GORAB: variants seen among roughly 807,000 people sequenced by gnomAD.
GORAB encodes RAB6-interacting golgin.
A neutral mutation model predicts 29.9 loss-of-function variants in GORAB; 17 were observed. The observed-to-expected ratio is 0.57, with a 90% CI of 0.39 to 0.85. The LOEUF is 0.85. Ranked by LOEUF, GORAB falls within the 40% of genes least tolerant of loss-of-function variation. The probability of loss-of-function intolerance (pLI) is 0.00; values close to 1 mark genes in which losing one functional copy is unlikely to be tolerated. For missense variants in GORAB, 442 were observed against 437.8 expected, an observed-to-expected ratio of 1.01 and a Z score of -0.09; for synonymous variants, 183 against 157.2, an observed-to-expected ratio of 1.16 and a Z score of -1.23.
At chr1:170,538,722 A>G (rs1436775966) in intron 1 of GORAB, among the ~76,000 whole-genome samples, 1 of 152,236 alleles carries the variant, frequency 6.6e-6, no homozygotes, top group Non-Finnish European at 1.5e-5. Context: ...ATAGCATCTG[A>G]ATATGTATCA....
At chr1:170,544,622 ATC>A in intron 3 of GORAB, 81 bp from the exon 4 acceptor site, 1 of 1,083,190 alleles carries the variant, frequency 9.2e-7, no homozygotes, top group Non-Finnish European at 1.4e-6. Context: ...TATATGCAGT[ATC>A]TTGCTTTTTC....
chr1:170,536,735 A>G (rs1009532713), intron 1 of GORAB, among the ~76,000 whole-genome samples: 3 of 152,372 alleles, frequency 2.0e-5, no homozygotes, highest in East Asian at 3.9e-4. Flanking sequence ...GAAATGTTAT[A>G]CAACAAAATG....
chr1:170,534,872 G>A (rs1414042998), intron 1 of GORAB, among the ~76,000 whole-genome samples: 1 of 152,126 alleles, frequency 6.6e-6, no homozygotes, highest in Non-Finnish European at 1.5e-5. Flanking sequence ...GGGGAGGCGT[G>A]GGAATGTGAT....
intron 3 of GORAB, among the ~76,000 whole-genome samples, chr1:170,542,983 C>A (rs1274357611): frequency 1.3e-5 from 2 of 152,158 alleles, no homozygotes; most frequent in African/African-American, 4.8e-5. Flanking sequence ...ATAAGGTTTT[C>A]TACATAAGTG....
At position 170,553,415 on chromosome 1, in the gene GORAB, T is replaced by C. The variant is rs771109410; in HGVS notation, c.*953T>C. ...ACCAATACATTGTGCTATATGTAAATGTGTAAATAAATATTGTAATTTTCT... is the reference window on the plus strand; with the variant it reads ...ACCAATACATTGTGCTATATGTAAACGTGTAAATAAATATTGTAATTTTCT... On this transcript the variant is annotated 3_prime_UTR_variant, in exon 5 of 5. Coordinates refer to ENST00000367763, the MANE Select transcript of GORAB (RefSeq NM_152281.3). 2.2e-6 allele frequency: 1 copy of C among 447,954 alleles called. No individual in the cohort carries two copies. Among genetic ancestry groups the C allele is most frequent in the South Asian group, 1.6e-5 (1 of 61,602 alleles). 27.7% of individuals were successfully genotyped at this position (447,954 alleles called of 1,614,324 possible). A position where few individuals can be genotyped will look rare whatever the true frequency, so the allele number is the denominator to read the frequency against.
At chr1:170,544,942 C>G in intron 4 of GORAB, 97 bp downstream of exon 4, 1 of 1,533,550 alleles carries the variant, frequency 6.5e-7, no homozygotes, top group Non-Finnish European at 8.8e-7. Context: ...TCATTGAAGC[C>G]TCAAAACAAC....
intron 1 of GORAB, chr1:170,532,759 A>G (rs186713313): frequency 6.8e-5 from 13 of 192,048 alleles, no homozygotes; most frequent in Admixed American, 1.6e-4. Flanking sequence ...ACTTTTCACA[A>G]TTCATCTGGA....
At chr1:170,537,057 C>G (rs1211651108) in intron 1 of GORAB, among the ~76,000 whole-genome samples, 1 of 151,996 alleles carries the variant, frequency 6.6e-6, no homozygotes, top group Non-Finnish European at 1.5e-5. Context: ...TCCTTTCTTT[C>G]CCCTTCTTTC....
At chr1:170,538,250 T>G (rs562276241) in intron 1 of GORAB, among the ~76,000 whole-genome samples, 1 of 152,328 alleles carries the variant, frequency 6.6e-6, no homozygotes, top group South Asian at 2.1e-4. Context: ...ACTCTAGAGC[T>G]TTTAACTATA....
rs201768641 is a variant in GORAB at position 170,553,526 on chromosome 1, T to TA, written c.*1071dup. ...ATTACCTTTGAGGACTTTTTTTTTT[T>TA]AAAAAAAGAATTATTATCAGAGAAC... On this transcript the variant is annotated 3_prime_UTR_variant, in exon 5 of 5. Transcript: ENST00000367763. 6.6e-4 allele frequency: 279 copies of TA among 421,768 alleles called. 1 individual carries two copies. Among genetic ancestry groups the TA allele is most frequent in the East Asian group, 4.2e-3 (59 of 14,168 alleles). The allele number at this position is 421,768 out of a possible 1,614,324, so 26.1% of individuals were successfully genotyped here. A position where few individuals can be genotyped will look rare whatever the true frequency, so the allele number is the denominator to read the frequency against.
intron 1 of GORAB, among the ~76,000 whole-genome samples, chr1:170,537,529 A>G (rs1352340558): frequency 1.3e-5 from 2 of 152,200 alleles, no homozygotes; most frequent in East Asian, 3.9e-4. Flanking sequence ...CTACAGCGTA[A>G]TCTAGATTTT....
At chr1:170,547,439 G>A (rs970574530) in intron 4 of GORAB, among the ~76,000 whole-genome samples, 1 of 142,426 alleles carries the variant, frequency 7.0e-6, no homozygotes, top group African/African-American at 3.0e-5. Context: ...TGCTACTGCT[G>A]CTACTGCTGC....
chr1:170,533,922 A>C (rs1648879239), intron 1 of GORAB, among the ~76,000 whole-genome samples: 1 of 152,126 alleles, frequency 6.6e-6, no homozygotes, highest in Non-Finnish European at 1.5e-5. Flanking sequence ...TGGATTCCTT[A>C]TTTGTAAAAT....
chr1:170,538,111 C>A (rs557027572), intron 1 of GORAB, among the ~76,000 whole-genome samples: 3 of 152,252 alleles, frequency 2.0e-5, no homozygotes, highest in Admixed American at 2.0e-4. Context: ...AATTCTTACA[C>A]CAACTTCATG....
intron 1 of GORAB, among the ~76,000 whole-genome samples, chr1:170,538,419 A>G (rs1442422486): frequency 1.3e-5 from 2 of 152,204 alleles, no homozygotes; most frequent in African/African-American, 4.8e-5. Context: ...TATAGTATGA[A>G]TGTGGGTCAG....
chr1:170,550,192 T>C (rs1431484535), intron 4 of GORAB, among the ~76,000 whole-genome samples: 4 of 152,208 alleles, frequency 2.6e-5, no homozygotes, highest in Admixed American at 6.5e-5. Flanking sequence ...AGTGATGGGC[T>C]ACCGACTCCA....
At chr1:170,544,968 A>G in intron 4 of GORAB, 123 bp downstream of exon 4, 2 of 1,450,146 alleles carry the variant, frequency 1.4e-6, no homozygotes, top group Non-Finnish European at 9.1e-7. Context: ...TCAGTGCTGT[A>G]TTTATTCTTC....
intron 4 of GORAB, among the ~76,000 whole-genome samples, chr1:170,546,356 C>T (rs544759459): frequency 1.3e-5 from 2 of 151,652 alleles, no homozygotes; most frequent in South Asian, 4.2e-4. Flanking sequence ...CGCCACTGCA[C>T]TCCAGCCTGG....
At position 170,553,696 on chromosome 1, in the gene GORAB, G is replaced by A. The variant is rs1300192165; in HGVS notation, c.*1234G>A. ...TTATATTATGTAATTTGAGTTGAAAGTATAACATTTTACTACTGACTTCTC... is the reference window on the plus strand; with the variant it reads ...TTATATTATGTAATTTGAGTTGAAAATATAACATTTTACTACTGACTTCTC... On this transcript the variant is annotated 3_prime_UTR_variant, in exon 5 of 5. Coordinates refer to ENST00000367763, the MANE Select transcript of GORAB (RefSeq NM_152281.3). 4.4e-6 allele frequency: 2 copies of A among 449,994 alleles called. No homozygotes were observed. The highest frequency in any genetic ancestry group is 2.0e-5 in the African/African-American group (1 of 49,660). 27.9% of individuals were successfully genotyped at this position (449,994 alleles called of 1,614,324 possible).
Sources: gnomAD v4.1 joint callset for allele counts (sites outside exome capture counted in the v4.1 genomes callset) on GRCh38, gnomAD v4.1.1 for gene constraint, MANE v1.5 for transcripts, NCBI Gene and HGNC (gene_info 2026-07-23, HGNC 2026-07-21) for gene names.